AGBL3: variants seen among roughly 807,000 people sequenced by gnomAD.
AGBL3 encodes cytosolic carboxypeptidase 3.
In AGBL3, 68 loss-of-function variants were observed where a neutral mutation model predicts 94.5. The ratio of observed to expected loss-of-function variants is 0.72; its 90% CI spans 0.59 to 0.88. The LOEUF is 0.88. AGBL3 is among the 40% of genes least tolerant of loss of function. AGBL3 has a pLI of 0.00. For missense variants in AGBL3, 934 were observed against 1,103.8 expected, an observed-to-expected ratio of 0.85 and a Z score of 2.18; for synonymous variants, 354 against 370.7, an observed-to-expected ratio of 0.95 and a Z score of 0.52.
At chr7:135,072,567 T>C (rs1820024983) in intron 12 of AGBL3, among the ~76,000 whole-genome samples, 2 of 152,288 alleles carry the variant, frequency 1.3e-5, no homozygotes, top group South Asian at 2.1e-4. Context: ...ATATACACCA[T>C]AGAGTACTAT....
At chr7:135,101,497 TA>T (rs112646093) in intron 15 of AGBL3, among the ~76,000 whole-genome samples, 28 of 148,892 alleles carry the variant, frequency 1.9e-4, no homozygotes, top group South Asian at 6.3e-4. Context: ...AATATAGCCT[TA>T]AAAAAAAAAC....
chr7:135,055,519 T>C (rs558203545), intron 11 of AGBL3, among the ~76,000 whole-genome samples: 4 of 114,400 alleles, frequency 3.5e-5, no homozygotes, highest in Admixed American at 8.9e-5. Context: ...AATATATTGA[T>C]ATAATTTTTT....
At chr7:135,035,991 T>C (rs978485261) in intron 7 of AGBL3, among the ~76,000 whole-genome samples, 1 of 152,116 alleles carries the variant, frequency 6.6e-6, no homozygotes, top group African/African-American at 2.4e-5. Context: ...AATTAACACA[T>C]AATAAATTTT....
intron 4 of AGBL3, chr7:135,010,287 A>G (rs1332609204): frequency 3.9e-6 from 1 of 257,522 alleles, no homozygotes; most frequent in South Asian, 3.7e-5. Context: ...CAGCTTCCCA[A>G]AGTGCTGGGT....
At chr7:135,012,478 A>G (rs1451116055) in intron 4 of AGBL3, 1 of 152,110 alleles carries the variant, frequency 6.6e-6, no homozygotes, top group African/African-American at 2.4e-5. Context: ...TGCACTTTTC[A>G]TAAGTATAAT....
chr7:135,021,053 A>AT (rs1406444946), intron 5 of AGBL3, among the ~76,000 whole-genome samples: 1 of 14,494 alleles, frequency 6.9e-5, no homozygotes, highest in Admixed American at 1.3e-3. Context: ...AACTTAAATA[A>AT]TAAAAAAAAA....
intron 15 of AGBL3, among the ~76,000 whole-genome samples, chr7:135,085,342 T>C (rs1481787062): frequency 6.6e-6 from 1 of 152,126 alleles, no homozygotes; most frequent in East Asian, 1.9e-4. Flanking sequence ...TGCAAAAGAT[T>C]TTCAGTTTGA....
intron 11 of AGBL3, among the ~76,000 whole-genome samples, chr7:135,048,383 G>T (rs1298223524): frequency 1.3e-5 from 2 of 151,598 alleles, no homozygotes; most frequent in Non-Finnish European, 1.5e-5. Flanking sequence ...TCCTATTTTT[G>T]TAAAGGGTGC....
chr7:135,092,098 A>G (rs1821936027), intron 15 of AGBL3, among the ~76,000 whole-genome samples: 1 of 152,184 alleles, frequency 6.6e-6, no homozygotes, highest in Admixed American at 6.5e-5. Flanking sequence ...CTTATATGTA[A>G]ATGCTTTCCT....
At chr7:135,098,071 G>A (rs1318438157) in intron 15 of AGBL3, among the ~76,000 whole-genome samples, 1 of 152,118 alleles carries the variant, frequency 6.6e-6, no homozygotes, top group African/African-American at 2.4e-5. Context: ...ATTTATAGAT[G>A]CAAAGGGCCT....
Position 135,135,020 on chromosome 7 carries a change from A to G in AGBL3, c.2522A>G (p.His841Arg), listed in dbSNP as rs1440493269. Residue 841 changes from histidine to arginine, a missense_variant, in exon 17 of 17, where the codon CAT (histidine) becomes CGT (arginine). Physicochemically the swap from His to Arg is conservative, Grantham distance 29 (BLOSUM62 0). This residue lies in a region of AGBL3 where 441 missense variants were observed against 518.2 expected (regional missense o/e 0.85). Transcript: ENST00000436302. ...CTCAAAGGCCCCAAGAAGAATAAAC[A>G]TTCTCAAATCTGGGCCATAAAGAAT... ...SPLKGPKKNKHSQIWAIKNED... is the reference protein window; with the variant it reads ...SPLKGPKKNKRSQIWAIKNED... The G allele has an allele frequency of 6.4e-7, 1 of 1,551,262 alleles. No individual in the cohort carries two copies. Among genetic ancestry groups the G allele is most frequent in the Admixed American group, 2.0e-5 (1 of 50,968 alleles).
At chr7:134,988,929 C>T (rs1462335690) in intron 2 of AGBL3, among the ~76,000 whole-genome samples, 4 of 152,162 alleles carry the variant, frequency 2.6e-5, no homozygotes, top group South Asian at 4.1e-4. Flanking sequence ...TGAGCCGCCA[C>T]GCCCGGCCAA....
At position 135,034,203 on chromosome 7, in the gene AGBL3, C is replaced by A; in HGVS notation, c.612C>A (p.His204Gln). The A allele has an allele frequency of 6.4e-7, 1 of 1,551,520 alleles. No homozygotes were observed. The highest frequency in any genetic ancestry group is 2.0e-5 in the Admixed American group (1 of 50,984). Residue 204 changes from histidine (H) to glutamine (Q), a missense_variant, in exon 7 of 17, where the codon CAC (histidine) becomes CAA (glutamine). By Grantham distance (24) the His-to-Gln change is conservative (BLOSUM62 0). Around this residue, in one of 3 missense-constraint regions of AGBL3, gnomAD observed 488 missense variants for 563.6 expected, o/e 0.87. Coordinates refer to ENST00000436302, the MANE Select transcript of AGBL3 (RefSeq NM_178563.4). ...GCCCTGACCTCTTCACAAATAAACA[C>A]ACCCAGTGGTACTATTTCCAAGTCA... is the stretch of plus-strand genomic sequence containing the variant. ...TVRPDLFTNKHTQWYYFQVTN... is the reference protein window; with the variant it reads ...TVRPDLFTNKQTQWYYFQVTN...
chr7:135,122,070 C>T (rs1353360135), intron 16 of AGBL3, among the ~76,000 whole-genome samples: 1 of 152,210 alleles, frequency 6.6e-6, no homozygotes, highest in Non-Finnish European at 1.5e-5. Context: ...CTGTCTAAGC[C>T]GTTTGAGTTC....
At position 135,090,447 on chromosome 7, in the gene AGBL3, G is replaced by A. The variant is rs117309188; in HGVS notation, c.2110+8657G>A. 6.5e-4 allele frequency among the ~76,000 whole-genome samples: 99 copies of A among 152,220 alleles called. 1 individual carries two copies. In the East Asian group the frequency reaches 0.016, roughly 25 times the overall value. Reference sequence around the variant, plus strand: ...CCATTGCTATTTCCTTGGGACACAGGGTACTACGTCAGCTCAGTCCTGGGA... The same window carrying A: ...CCATTGCTATTTCCTTGGGACACAGAGTACTACGTCAGCTCAGTCCTGGGA... On this transcript the variant is annotated intron_variant, in intron 15 of 16. Coordinates refer to ENST00000436302, the MANE Select transcript of AGBL3 (RefSeq NM_178563.4).
chr7:135,066,398 C>A (rs1409391562), intron 12 of AGBL3, among the ~76,000 whole-genome samples: 1 of 152,170 alleles, frequency 6.6e-6, no homozygotes, highest in Non-Finnish European at 1.5e-5. Context: ...CACTAATCAT[C>A]AGAGAAATTC....
At chr7:135,010,787 G>A (rs1030898754) in intron 4 of AGBL3, 1 of 152,176 alleles carries the variant, frequency 6.6e-6, no homozygotes, top group Non-Finnish European at 1.5e-5. Context: ...AGATTTCTAT[G>A]AAGAAGCAAT....
At chr7:135,076,503 T>C (rs544800719) in intron 13 of AGBL3, 35 bp downstream of exon 13, 1 of 1,438,266 alleles carries the variant, frequency 7.0e-7, no homozygotes, top group African/African-American at 1.4e-5. Flanking sequence ...TAAGGTTTTT[T>C]TAAATGAATG....
chr7:135,019,690 A>G (rs1814211130), intron 5 of AGBL3, among the ~76,000 whole-genome samples: 1 of 152,208 alleles, frequency 6.6e-6, no homozygotes, highest in African/African-American at 2.4e-5. Flanking sequence ...AGTAACCAAA[A>G]CAGCACGGTA....
Sources: allele counts gnomAD v4.1 joint callset (sites outside exome capture counted in the v4.1 genomes callset), GRCh38; gene constraint gnomAD v4.1.1; regional missense constraint gnomAD v4.1.1; transcripts MANE v1.5; gene names NCBI Gene and HGNC (gene_info 2026-07-23, HGNC 2026-07-21).